Variants in ULK4 observed in about 807,000 individuals in gnomAD.
ULK4 encodes the protein inactive serine/threonine-protein kinase ULK4.
A neutral mutation model predicts 160.6 loss-of-function variants in ULK4; 133 were observed. The observed-to-expected ratio is 0.83, with a 90% CI of 0.72 to 0.96. ULK4 has a LOEUF of 0.96. ULK4 is among the 40% of genes least tolerant of loss of function. The pLI is 0.00. For synonymous variants in ULK4, 534 were observed against 539.8 expected, an observed-to-expected ratio of 0.99 and a Z score of 0.15; for missense variants, 1,580 against 1,499.5, an observed-to-expected ratio of 1.05 and a Z score of -0.89.
chr3:41,402,781 A>C (rs907648109), intron 34 of ULK4, among the ~76,000 whole-genome samples: 2 of 152,188 alleles, frequency 1.3e-5, no homozygotes, highest in Non-Finnish European at 2.9e-5. Context: ...TTGTGTTTAC[A>C]AGAGATACTG....
intron 34 of ULK4, among the ~76,000 whole-genome samples, chr3:41,436,390 A>C (rs1291515606): frequency 6.6e-6 from 1 of 152,210 alleles, no homozygotes; most frequent in Non-Finnish European, 1.5e-5. Flanking sequence ...AAAACGCCAT[A>C]CTATATTGTA....
chr3:41,767,949 C>A lies in ULK4; in HGVS notation c.2194-13461G>T, dbSNP rs188985627. Among the ~76,000 whole-genome samples, 4 of 152,324 alleles carry A rather than the reference C, an allele frequency of 2.6e-5. No individual in the cohort carries two copies. The East Asian group carries it at 7.7e-4, about 29-fold the overall frequency. On this transcript the variant is annotated intron_variant, in intron 21 of 36. Transcript: ENST00000301831. ...CCAACCCCCAGGCCACAGACCAGTA[C>A]TGGCCTGTTAGGAACCCGGCTGCAC... is the stretch of plus-strand genomic sequence containing the variant.
rs149562261 is a variant in ULK4 at position 41,315,469 on chromosome 3, C to G, written c.3679-65895G>C. Among the ~76,000 whole-genome samples the G allele has an allele frequency of 4.6e-5, 7 of 152,316 alleles. No individual in the cohort carries two copies. In the East Asian group the frequency reaches 1.2e-3, roughly 25 times the overall value. ...CCCATTCCCAGAGAAACAAGCATAACTTGTAGAAATTATCTAAAAAACAAC... is the reference window on the plus strand; with the variant it reads ...CCCATTCCCAGAGAAACAAGCATAAGTTGTAGAAATTATCTAAAAAACAAC... On this transcript the variant is annotated intron_variant, in intron 35 of 36. Transcript: ENST00000301831.
intron 17 of ULK4, chr3:41,882,065 T>C (rs1041724129): frequency 8.0e-6 from 5 of 622,344 alleles, no homozygotes; most frequent in African/African-American, 1.8e-5. Context: ...CCCAGGTTAC[T>C]TCACATGCCC....
chr3:41,717,597 T>A, intron 23 of ULK4, 131 bp downstream of exon 23: 2 of 1,141,650 alleles, frequency 1.8e-6, no homozygotes, highest in East Asian at 2.5e-5. Flanking sequence ...TGAAACTACA[T>A]ATTCGTTAAA....
chr3:41,567,949 T>C (rs559630499), intron 31 of ULK4, among the ~76,000 whole-genome samples: 1 of 152,286 alleles, frequency 6.6e-6, no homozygotes, highest in South Asian at 2.1e-4. Context: ...AACCGTGTTG[T>C]ATCTATCAAA....
intron 32 of ULK4, among the ~76,000 whole-genome samples, chr3:41,538,173 C>G (rs2086574407): frequency 6.6e-6 from 1 of 152,102 alleles, no homozygotes; most frequent in South Asian, 2.1e-4. Flanking sequence ...TTGCTTTAAT[C>G]AGTCATATAA....
intron 34 of ULK4, among the ~76,000 whole-genome samples, chr3:41,441,448 T>A (rs1313369262): frequency 6.6e-6 from 1 of 152,074 alleles, no homozygotes; most frequent in African/African-American, 2.4e-5. Flanking sequence ...ATCTTCCAAG[T>A]ATCTTTTTTA....
intron 17 of ULK4, among the ~76,000 whole-genome samples, chr3:41,873,472 T>A (rs1697187748): frequency 6.6e-6 from 1 of 152,196 alleles, no homozygotes; most frequent in Non-Finnish European, 1.5e-5. Flanking sequence ...TTTCCCTCAC[T>A]TTCTTGTTCA....
At chr3:41,856,541 ATATATATG>A (rs2042349236) in intron 17 of ULK4, among the ~76,000 whole-genome samples, 1 of 88,500 alleles carries the variant, frequency 1.1e-5, no homozygotes, top group South Asian at 3.7e-4. Flanking sequence ...ATGTATGTAT[ATATATATG>A]TGTATATATA....
At chr3:41,620,216 C>T (rs953663473) in intron 30 of ULK4, among the ~76,000 whole-genome samples, 1 of 152,132 alleles carries the variant, frequency 6.6e-6, no homozygotes, top group African/African-American at 2.4e-5. Context: ...CCTTCTGGAA[C>T]CATTTCAAAC....
At chr3:41,664,215 A>C (rs1197372814) in intron 29 of ULK4, among the ~76,000 whole-genome samples, 1 of 152,216 alleles carries the variant, frequency 6.6e-6, no homozygotes, top group East Asian at 1.9e-4. Flanking sequence ...GAGATCAATA[A>C]ACATTAGGCA....
chr3:41,339,614 C>G (rs1215741687), intron 35 of ULK4, among the ~76,000 whole-genome samples: 1 of 152,158 alleles, frequency 6.6e-6, no homozygotes, highest in East Asian at 1.9e-4. Flanking sequence ...CAGAGTTCCT[C>G]GCTGGTGAGG....
chr3:41,605,684 C>T (rs2032344737), intron 31 of ULK4, among the ~76,000 whole-genome samples: 1 of 151,990 alleles, frequency 6.6e-6, no homozygotes, highest in Non-Finnish European at 1.5e-5. Flanking sequence ...ACCCCTCTCT[C>T]AATGAGTGAC....
At chr3:41,476,693 G>C (rs773510528) in intron 32 of ULK4, among the ~76,000 whole-genome samples, 2 of 151,904 alleles carry the variant, frequency 1.3e-5, no homozygotes, top group Non-Finnish European at 2.9e-5. Context: ...CTGTGGCTTA[G>C]ATCAGCTCTG....
intron 2 of ULK4, among the ~76,000 whole-genome samples, chr3:41,948,564 T>C (rs1700183995): frequency 6.6e-6 from 1 of 152,032 alleles, no homozygotes; most frequent in Non-Finnish European, 1.5e-5. Flanking sequence ...CAGCAGTATA[T>C]TAAAAGGATT....
intron 30 of ULK4, among the ~76,000 whole-genome samples, chr3:41,639,620 C>T (rs1462862138): frequency 1.3e-5 from 2 of 152,002 alleles, no homozygotes; most frequent in East Asian, 1.9e-4. Context: ...CCCAGCTACT[C>T]GGGAGGCTGA....
At chr3:41,663,490 G>C (rs888233356) in intron 30 of ULK4, 117 bp downstream of exon 30, 1 of 935,336 alleles carries the variant, frequency 1.1e-6, no homozygotes, top group African/African-American at 1.7e-5. Flanking sequence ...AAAAAATGAC[G>C]ATTTTGACAA....
chr3:41,470,048 A>AAGT (rs372332065), intron 32 of ULK4, among the ~76,000 whole-genome samples: 1 of 112,430 alleles, frequency 8.9e-6, no homozygotes, highest in African/African-American at 3.8e-5. Context: ...AAAAAAAAAC[A>AAGT]AAGTATTTTT....
Sources: gnomAD v4.1 joint callset for allele counts (sites outside exome capture counted in the v4.1 genomes callset) on GRCh38, gnomAD v4.1.1 for gene constraint, MANE v1.5 for transcripts, NCBI Gene and HGNC (gene_info 2026-07-23, HGNC 2026-07-21) for gene names.